GRID2: variants seen among roughly 807,000 people sequenced by gnomAD.
GRID2 encodes glutamate receptor ionotropic, delta-2.
Under a neutral mutation model 114.8 loss-of-function variants are expected in GRID2, and 33 were observed. That is an observed-to-expected ratio of 0.29 (90% CI 0.22 to 0.38). The LOEUF (loss-of-function observed/expected upper bound fraction) is 0.38, where lower values mean the gene tolerates loss of function less well. Ranked by LOEUF, GRID2 falls within the 10% of genes least tolerant of loss-of-function variation. The pLI is 1.00. For synonymous variants in GRID2, 505 were observed against 449.9 expected (o/e 1.12, Z -1.55); for missense variants, 1,184 against 1,257.7 (o/e 0.94, Z 0.89).
intron 2 of GRID2, among the ~76,000 whole-genome samples, chr4:92,683,054 C>G (rs1324678589): frequency 1.3e-5 from 2 of 152,118 alleles, no homozygotes; most frequent in African/African-American, 2.4e-5. Flanking sequence ...AATCCCAGCA[C>G]TTTGGGAGGC....
chr4:93,479,230 G>A lies in GRID2; in HGVS notation c.1859-11409G>A, dbSNP rs558853906. Among the ~76,000 whole-genome samples the A allele has an allele frequency of 7.2e-5, 11 of 152,182 alleles. No individual in the cohort carries two copies. The East Asian group carries it at 1.9e-3, about 27-fold the overall frequency. Reference sequence around the variant, plus strand: ...AAATACTTTATTGCTAAAAAATGCTGATGGAGAGACATGAAGTAAGCATGT... The same window carrying A: ...AAATACTTTATTGCTAAAAAATGCTAATGGAGAGACATGAAGTAAGCATGT... On this transcript the variant is annotated intron_variant, in intron 11 of 15. Coordinates refer to ENST00000282020, the MANE Select transcript of GRID2 (RefSeq NM_001510.4).
chr4:92,818,407 G>A (rs779869273), intron 2 of GRID2, among the ~76,000 whole-genome samples: 1 of 152,046 alleles, frequency 6.6e-6, no homozygotes, highest in Non-Finnish European at 1.5e-5. Flanking sequence ...CATTTGAGAT[G>A]GGTGTTGAAA....
intron 12 of GRID2, among the ~76,000 whole-genome samples, chr4:93,506,971 C>T (rs1373699210): frequency 1.3e-5 from 2 of 152,140 alleles, no homozygotes; most frequent in Non-Finnish European, 2.9e-5. Context: ...TACCCCACAC[C>T]GTGAGGAATA....
chr4:93,363,615 T>G (rs1212603355), intron 8 of GRID2, among the ~76,000 whole-genome samples: 1 of 152,160 alleles, frequency 6.6e-6, no homozygotes, highest in Non-Finnish European at 1.5e-5. Flanking sequence ...AATGTATGTA[T>G]TTACCTTCTT....
chr4:92,515,400 T>C (rs1309327633), intron 1 of GRID2, among the ~76,000 whole-genome samples: 1 of 151,924 alleles, frequency 6.6e-6, no homozygotes, highest in East Asian at 1.9e-4. Flanking sequence ...ATTATTTCCA[T>C]TGAATTATAA....
In GRID2 at chr4:92,673,784, G is replaced by A. The variant is rs569362575; in HGVS notation, c.244+83498G>A. Among the ~76,000 whole-genome samples the A allele has an allele frequency of 3.9e-4, 59 of 152,122 alleles. 1 individual carries two copies. The South Asian group carries it at 4.6e-3, about 12-fold the overall frequency. ...TGGGAATTGAACAATGAGAACACTT[G>A]GACACAGGGTGGGGAACATCACACA... On this transcript the variant is annotated intron_variant, in intron 2 of 15. Coordinates refer to ENST00000282020, the MANE Select transcript of GRID2 (RefSeq NM_001510.4).
At chr4:93,159,411 A>G (rs1350612090) in intron 4 of GRID2, among the ~76,000 whole-genome samples, 1 of 151,808 alleles carries the variant, frequency 6.6e-6, no homozygotes, top group Non-Finnish European at 1.5e-5. Context: ...TGAGTCATCC[A>G]GTCATTTGCT....
chr4:93,457,834 C>T (rs1215883838), intron 11 of GRID2, among the ~76,000 whole-genome samples: 4 of 152,106 alleles, frequency 2.6e-5, no homozygotes, highest in Admixed American at 6.5e-5. Flanking sequence ...ACAGATATGA[C>T]AGGAGAGATG....
At chr4:93,517,995 A>G (rs1202531822) in intron 13 of GRID2, among the ~76,000 whole-genome samples, 4 of 16,384 alleles carry the variant, frequency 2.4e-4, no homozygotes, top group Non-Finnish European at 1.4e-4. Context: ...GTATATACAT[A>G]CATGTATATG....
chr4:92,599,244 G>A (rs1729090946), intron 2 of GRID2, among the ~76,000 whole-genome samples: 2 of 152,016 alleles, frequency 1.3e-5, no homozygotes, highest in African/African-American at 4.8e-5. Context: ...CCAAATTAAA[G>A]CTTTCTGATG....
intron 4 of GRID2, among the ~76,000 whole-genome samples, chr4:93,185,883 C>G (rs532304263): frequency 7.9e-4 from 120 of 152,250 alleles, no homozygotes; most frequent in Non-Finnish European, 1.2e-3. Flanking sequence ...TATTCTAATG[C>G]TATCCCTCCC....
intron 2 of GRID2, among the ~76,000 whole-genome samples, chr4:92,645,869 C>A (rs1397705723): frequency 6.6e-6 from 1 of 151,770 alleles, no homozygotes; most frequent in African/African-American, 2.4e-5. Flanking sequence ...TGTTGATGAA[C>A]ATTGATGGGA....
In GRID2 at chr4:92,417,518, T is replaced by TA. The variant is rs368287844; in HGVS notation, c.88+112776dup. 6.2e-3 allele frequency among the ~76,000 whole-genome samples: 942 copies of TA among 152,020 alleles called. 10 individuals carry two copies. The highest frequency in any genetic ancestry group is 0.021 in the African/African-American group (883 of 41,478). ...CTGAGGAACTAACGCTCCAGTAGAG[T>TA]AATTAATTGTAACAAAAAGGTAAAG... On this transcript the variant is annotated intron_variant, in intron 1 of 15. Transcript: ENST00000282020.
intron 2 of GRID2, among the ~76,000 whole-genome samples, chr4:92,972,962 A>G (rs1036016419): frequency 2.6e-5 from 4 of 152,166 alleles, no homozygotes; most frequent in Non-Finnish European, 4.4e-5. Flanking sequence ...GCTGCATAGT[A>G]TTCCATGGTG....
intron 2 of GRID2, among the ~76,000 whole-genome samples, chr4:92,979,980 T>C (rs988761864): frequency 1.3e-5 from 2 of 152,190 alleles, no homozygotes; most frequent in African/African-American, 4.8e-5. Flanking sequence ...CAGTGTAATT[T>C]AAAAGAATTT....
At chr4:92,949,948 C>G (rs1751909098) in intron 2 of GRID2, among the ~76,000 whole-genome samples, 1 of 152,058 alleles carries the variant, frequency 6.6e-6, no homozygotes, top group Non-Finnish European at 1.5e-5. Flanking sequence ...TCAGCTAACC[C>G]ATTTGTCTTT....
chr4:92,391,071 T>G (rs2110260201), intron 1 of GRID2, among the ~76,000 whole-genome samples: 1 of 152,306 alleles, frequency 6.6e-6, no homozygotes, highest in South Asian at 2.1e-4. Flanking sequence ...TTCATATAAT[T>G]TGCGAATTCA....
intron 1 of GRID2, among the ~76,000 whole-genome samples, chr4:92,447,353 A>T (rs902287258): frequency 1.9e-4 from 29 of 152,314 alleles, no homozygotes; most frequent in Middle Eastern, 6.8e-3. Context: ...ACACCTCCCA[A>T]GGCAAACTAT....
At chr4:92,641,190 T>C (rs970866936) in intron 2 of GRID2, among the ~76,000 whole-genome samples, 4 of 151,806 alleles carry the variant, frequency 2.6e-5, no homozygotes, top group Non-Finnish European at 5.9e-5. Flanking sequence ...CTCTCAATTT[T>C]AATGACAATT....
Sources: allele counts gnomAD v4.1 joint callset (sites outside exome capture counted in the v4.1 genomes callset), GRCh38; gene constraint gnomAD v4.1.1; transcripts MANE v1.5; gene names NCBI Gene and HGNC (gene_info 2026-07-23, HGNC 2026-07-21).